Variants in ACAN observed in about 807,000 individuals in gnomAD.
ACAN encodes aggrecan.
In ACAN, 47 loss-of-function variants were observed where a neutral mutation model predicts 169.1. The observed-to-expected ratio is 0.28, with a 90% CI of 0.22 to 0.35. The LOEUF (loss-of-function observed/expected upper bound fraction) is 0.35. ACAN is among the 10% of genes least tolerant of loss of function. ACAN has a pLI of 1.00. For synonymous variants in ACAN, 1,115 were observed against 1,112.2 expected, an observed-to-expected ratio of 1.00 and a Z score of -0.05; for missense variants, 2,716 against 2,759.9, an observed-to-expected ratio of 0.98 and a Z score of 0.36.
At position 88,839,544 on chromosome 15, in the gene ACAN, T is replaced by G. The variant is rs1896595391; in HGVS notation, c.455-468T>G. Among the ~76,000 whole-genome samples, 1 of 152,244 alleles carries G rather than the reference T, an allele frequency of 6.6e-6. No individual in the cohort carries two copies. The highest frequency in any genetic ancestry group is 2.1e-4 in the South Asian group (1 of 4,832). On this transcript the variant is annotated intron_variant, in intron 3 of 18. Coordinates refer to ENST00000560601, the MANE Select transcript of ACAN (RefSeq NM_001369268.1). The surrounding 1 kb of genome is among the most constrained non-coding windows in gnomAD (Gnocchi z 4.5). ...AGGTCTTTGGTTAGCTTCAGGACTT[T>G]GGTCAACACCAGATTTTTCCCAGGG...
Position 88,874,501 on chromosome 15 carries a change from C to G in ACAN, c.*20C>G. The G allele has an allele frequency of 6.3e-7, 1 of 1,582,486 alleles. No individual in the cohort carries two copies. Among genetic ancestry groups the G allele is most frequent in the Non-Finnish European group, 8.6e-7 (1 of 1,163,536 alleles). On this transcript the variant is annotated 3_prime_UTR_variant, in exon 19 of 19. Transcript: ENST00000560601. The surrounding 1 kb of genome is among the most constrained non-coding windows in gnomAD (Gnocchi z 7.3). Reference sequence around the variant, plus strand: ...CACTGAGAAGAGCTTCCAGGACGCACCCAGGACGCTGAGCCCAGGAGCCTG... The same window carrying G: ...CACTGAGAAGAGCTTCCAGGACGCAGCCAGGACGCTGAGCCCAGGAGCCTG...
rs1897090860 is a variant in ACAN, at chr15:88,857,742, A to T, written c.5157A>T (p.Ala1719=). The T allele has an allele frequency of 6.2e-7, 1 of 1,613,786 alleles. No homozygotes were observed. Among genetic ancestry groups the T allele is most frequent in the Non-Finnish European group, 8.5e-7 (1 of 1,179,864 alleles). ...LPSGTELSGQ[A]SGSPDVSGEI... Reference sequence around the variant, plus strand: ...CAGGAACTGAACTCAGTGGCCAAGCATCTGGGTCTCCTGATGTCAGTGGGG... The same window carrying T: ...CAGGAACTGAACTCAGTGGCCAAGCTTCTGGGTCTCCTGATGTCAGTGGGG... The change falls in exon 12 of 19, where the codon GCA becomes GCT. Residue 1719 remains alanine (A), a synonymous_variant. Coordinates refer to ENST00000560601, the MANE Select transcript of ACAN (RefSeq NM_001369268.1).
chr15:88,807,001 A>C lies in ACAN; in HGVS notation c.-8+3192A>C, dbSNP rs1195338134. ...TTATAATATAAATGTATATATGCAA[A>C]TATATACAAATTTGATATTTGCATA... On this transcript the variant is annotated intron_variant, in intron 1 of 18. Transcript: ENST00000560601. The surrounding 1 kb of genome is among the most constrained non-coding windows in gnomAD (Gnocchi z 4.0). 2.0e-5 allele frequency among the ~76,000 whole-genome samples: 3 copies of C among 152,192 alleles called. No homozygotes were observed. The highest frequency in any genetic ancestry group is 7.2e-5 in the African/African-American group (3 of 41,434).
At chr15:88,808,593 T>A (rs935575989) in intron 1 of ACAN, among the ~76,000 whole-genome samples, 5 of 152,184 alleles carry the variant, frequency 3.3e-5, no homozygotes, top group Non-Finnish European at 7.4e-5. Context: ...TGGCCATGTC[T>A]GGAGACATTT....
intron 1 of ACAN, among the ~76,000 whole-genome samples, chr15:88,835,020 CA>C (rs1411617908): frequency 6.6e-6 from 1 of 152,172 alleles, no homozygotes; most frequent in East Asian, 1.9e-4. Context: ...AGCTTTACAG[CA>C]GATGACGATA....
rs1441974654 is a variant in ACAN at position 88,841,885 on chromosome 15, C to G, written c.757+18C>G. On this transcript the variant is annotated intron_variant, in intron 5 of 18. Coordinates refer to ENST00000560601, the MANE Select transcript of ACAN (RefSeq NM_001369268.1). Reference sequence around the variant, plus strand: ...GATGGAGGGTGAGCTGCCCTGCCCACCAGGAGGCACCCAGCTCCCTTCCCA... The same window carrying G: ...GATGGAGGGTGAGCTGCCCTGCCCAGCAGGAGGCACCCAGCTCCCTTCCCA... 6.2e-7 allele frequency: 1 copy of G among 1,612,958 alleles called. No individual in the cohort carries two copies. The highest frequency in any genetic ancestry group is 8.5e-7 in the Non-Finnish European group (1 of 1,179,508).
At chr15:88,852,641 G>A (rs1896956578) in intron 11 of ACAN, among the ~76,000 whole-genome samples, 1 of 152,210 alleles carries the variant, frequency 6.6e-6, no homozygotes, top group Admixed American at 6.5e-5. Context: ...GGCTTACAGA[G>A]ATTAACAGGT....
Position 88,868,290 on chromosome 15 carries a change from T to G in ACAN, c.7021T>G (p.Leu2341Val). ...GGATGCCATCGACTCTTTCACATGC[T>G]TATGCCTTCCCAGCTACGAAGGGGA... is the stretch of plus-strand genomic sequence containing the variant. ...CVDAIDSFTC[L>V]CLPSYEGDLC... is the part of the protein sequence containing the mutation. The change falls in exon 14 of 19, where the codon TTA (leucine) becomes GTA (valine). Residue 2341 changes from leucine (L) to valine (V), a missense_variant. Leu to Val is a conservative substitution (Grantham distance 32, BLOSUM62 1). Transcript: ENST00000560601. This position sits in a 1 kb window ranked among gnomAD's most constrained non-coding sequence, Gnocchi z 5.2. 1.4e-6 allele frequency: 1 copy of G among 702,842 alleles called. No homozygotes were observed. Among genetic ancestry groups the G allele is most frequent in the Non-Finnish European group, 2.6e-6 (1 of 384,852 alleles). 43.5% of individuals were successfully genotyped at this position (702,842 alleles called of 1,614,324 possible). A position where few individuals can be genotyped will look rare whatever the true frequency, so the allele number is the denominator to read the frequency against.
intron 1 of ACAN, among the ~76,000 whole-genome samples, chr15:88,819,729 G>T (rs548532005): frequency 5.9e-5 from 9 of 151,978 alleles, no homozygotes; most frequent in Non-Finnish European, 1.0e-4. Flanking sequence ...TCTCACCACT[G>T]CACTCCAGCC....
chr15:88,870,329 G>A lies in ACAN; in HGVS notation c.7061-1053G>A, dbSNP rs1050190038. Among the ~76,000 whole-genome samples the A allele has an allele frequency of 1.3e-5, 2 of 152,172 alleles. No homozygotes were observed. Among genetic ancestry groups the A allele is most frequent in the African/African-American group, 4.8e-5 (2 of 41,442 alleles). On this transcript the variant is annotated intron_variant, in intron 14 of 18. Coordinates refer to ENST00000560601, the MANE Select transcript of ACAN (RefSeq NM_001369268.1). This position sits in a 1 kb window ranked among gnomAD's most constrained non-coding sequence, Gnocchi z 6.3. ...CAGGGAGACCACCATGCAGCCTGAG[G>A]GGTTTGTGACCCTCCACCTGGGAGA...
chr15:88,804,438 C>A (rs1467720332), intron 1 of ACAN, among the ~76,000 whole-genome samples: 1 of 152,176 alleles, frequency 6.6e-6, no homozygotes, highest in Non-Finnish European at 1.5e-5. Context: ...GACAGAGCTA[C>A]TGAACTGCCA....
chr15:88,845,018 T>G (rs11853582), intron 6 of ACAN, among the ~76,000 whole-genome samples: 3,157 of 152,310 alleles, frequency 0.021, 99 homozygotes, highest in African/African-American at 0.07. Flanking sequence ...ACTCTCATGG[T>G]ACCCTCATTT....
Position 88,872,088 on chromosome 15 carries a change from G to A in ACAN, c.7302+3G>A, listed in dbSNP as rs149260614. 35 of 1,613,622 alleles carry A rather than the reference G, an allele frequency of 2.2e-5. 1 individual carries two copies. In the East Asian group the frequency reaches 7.8e-4, roughly 36 times the overall value. On this transcript the variant is annotated splice_donor_region_variant and intron_variant, in intron 16 of 18. Coordinates refer to ENST00000560601, the MANE Select transcript of ACAN (RefSeq NM_001369268.1). The surrounding 1 kb of genome is among the most constrained non-coding windows in gnomAD (Gnocchi z 5.4). ...GCTGGTCAGATGGACACCCCATGGT[G>A]AGTTCTGCTGTAGGCACAGCTGGTG...
At chr15:88,813,215 C>T (rs1396717959) in intron 1 of ACAN, among the ~76,000 whole-genome samples, 1 of 152,216 alleles carries the variant, frequency 6.6e-6, no homozygotes, top group East Asian at 1.9e-4. Context: ...GCTTTTCAAA[C>T]CATGCTTCAG....
At chr15:88,805,633 A>T (rs567371504) in intron 1 of ACAN, among the ~76,000 whole-genome samples, 15 of 152,316 alleles carry the variant, frequency 9.8e-5, no homozygotes, top group African/African-American at 3.6e-4. Context: ...CTCAATAAAC[A>T]GCAGATATGA....
At chr15:88,841,939 C>G (rs757466114) in intron 5 of ACAN, 72 bp downstream of exon 5, 12 of 1,589,382 alleles carry the variant, frequency 7.6e-6, no homozygotes, top group Non-Finnish European at 1.0e-5. Flanking sequence ...CATCTCCCCA[C>G]TGACACCTGA....
At chr15:88,804,706 G>A (rs1895633304) in intron 1 of ACAN, among the ~76,000 whole-genome samples, 2 of 152,136 alleles carry the variant, frequency 1.3e-5, no homozygotes, top group Non-Finnish European at 2.9e-5. Context: ...CTTGTCTCTG[G>A]TTGTGAGACA....
In ACAN at chr15:88,860,351, G is replaced by C; in HGVS notation, c.6858G>C (p.Glu2286Asp). The C allele has an allele frequency of 6.2e-7, 1 of 1,612,986 alleles. No homozygotes were observed. Residue 2286 changes from glutamate (E) to aspartate (D), a missense_variant, in exon 13 of 19, where the codon GAG becomes GAC. Glu to Asp is a conservative substitution (Grantham distance 45). Coordinates refer to ENST00000560601, the MANE Select transcript of ACAN (RefSeq NM_001369268.1). ...CCCCCGCCAGGTCCTGTGCAGAGGAGCCCTGTGGAGCTGGGACCTGCAAGG... is the reference window on the plus strand; with the variant it reads ...CCCCCGCCAGGTCCTGTGCAGAGGACCCCTGTGGAGCTGGGACCTGCAAGG... ...AAAPARSCAEEPCGAGTCKET... is the reference protein window; with the variant it reads ...AAAPARSCAEDPCGAGTCKET...
At chr15:88,824,607 G>A (rs1431722192) in intron 1 of ACAN, among the ~76,000 whole-genome samples, 1 of 152,138 alleles carries the variant, frequency 6.6e-6, no homozygotes, top group Non-Finnish European at 1.5e-5. Context: ...GGCCAGGTGT[G>A]GTGGCTCATG....
Sources: allele counts gnomAD v4.1 joint callset (sites outside exome capture counted in the v4.1 genomes callset), GRCh38; gene constraint gnomAD v4.1.1; non-coding constraint Gnocchi (gnomAD v3.1); transcripts MANE v1.5; gene names NCBI Gene and HGNC (gene_info 2026-07-23, HGNC 2026-07-21).